HIPK3: variants seen among roughly 807,000 people sequenced by gnomAD.
HIPK3 encodes homeodomain-interacting protein kinase 3.
In HIPK3, 47 loss-of-function variants were observed where a neutral mutation model predicts 124.2. The observed-to-expected ratio is 0.38, with a 90% CI of 0.30 to 0.48. The LOEUF (loss-of-function observed/expected upper bound fraction) is 0.48, where lower values mean the gene tolerates loss of function less well. Ranked by LOEUF, HIPK3 falls within the 20% of genes least tolerant of loss-of-function variation. The pLI, the probability that HIPK3 is intolerant of heterozygous loss-of-function variation, is 0.98. For synonymous variants in HIPK3, 482 were observed against 515.2 expected, an observed-to-expected ratio of 0.94 and a Z score of 0.87; for missense variants, 1,286 against 1,454.3, an observed-to-expected ratio of 0.88 and a Z score of 1.88.
intron 8 of HIPK3, among the ~76,000 whole-genome samples, chr11:33,344,169 A>G (rs901845124): frequency 6.6e-6 from 1 of 152,212 alleles, no homozygotes; most frequent in African/African-American, 2.4e-5. Context: ...ACTATTTGAA[A>G]TTAAATGGTA....
At chr11:33,257,369 G>T, upstream of HIPK3, 1 of 984,894 alleles carries the variant, frequency 1.0e-6, no homozygotes, top group Middle Eastern at 5.2e-4. Flanking sequence ...GGGGCCCGAG[G>T]CTGGGGCGGC....
At chr11:33,344,501 T>C (rs1289327165) in intron 8 of HIPK3, among the ~76,000 whole-genome samples, 2 of 152,194 alleles carry the variant, frequency 1.3e-5, no homozygotes. Flanking sequence ...TTAAAACATT[T>C]CAATGAGGTT....
intron 1 of HIPK3, among the ~76,000 whole-genome samples, chr11:33,266,158 C>T (rs930019384): frequency 2.6e-5 from 4 of 151,010 alleles, no homozygotes; most frequent in African/African-American, 7.3e-5. Flanking sequence ...GAGACTAACA[C>T]GTGGTCCCAG....
chr11:33,273,461 A>G (rs374115500), intron 1 of HIPK3, among the ~76,000 whole-genome samples: 23 of 27,950 alleles, frequency 8.2e-4, no homozygotes, highest in African/African-American at 3.2e-3. Context: ...GTGAGCCGAG[A>G]TCACGCCACT....
intron 2 of HIPK3, among the ~76,000 whole-genome samples, chr11:33,318,242 T>A (rs1852563337): frequency 1.3e-5 from 2 of 152,180 alleles, no homozygotes; most frequent in South Asian, 4.1e-4. Flanking sequence ...TTATTTTTAT[T>A]TTTTATAGAG....
At chr11:33,291,172 T>C (rs191204559) in intron 2 of HIPK3, among the ~76,000 whole-genome samples, 1 of 152,328 alleles carries the variant, frequency 6.6e-6, no homozygotes, top group Non-Finnish European at 1.5e-5. Context: ...GTTTAAGTAT[T>C]TGTTTGTACT....
chr11:33,291,528 C>CT (rs937674661), intron 2 of HIPK3, among the ~76,000 whole-genome samples: 1 of 152,128 alleles, frequency 6.6e-6, no homozygotes, highest in African/African-American at 2.4e-5. Flanking sequence ...GTGAGGCTGT[C>CT]TAACTCTTGC....
chr11:33,316,555 G>T (rs1306567690), intron 2 of HIPK3, among the ~76,000 whole-genome samples: 6 of 152,182 alleles, frequency 3.9e-5, no homozygotes, highest in African/African-American at 1.4e-4. Flanking sequence ...GGGCATGGTG[G>T]CTCACACCTG....
intron 2 of HIPK3, among the ~76,000 whole-genome samples, chr11:33,296,419 T>C (rs925817876): frequency 2.0e-5 from 3 of 152,202 alleles, no homozygotes; most frequent in Admixed American, 2.0e-4. Context: ...ATATTACTTC[T>C]TTTAGGTCTT....
At chr11:33,278,987 TATTTA>T (rs924024413) in intron 1 of HIPK3, among the ~76,000 whole-genome samples, 14 of 152,222 alleles carry the variant, frequency 9.2e-5, no homozygotes, top group African/African-American at 3.4e-4. Context: ...TATTACCTTT[TATTTA>T]ATTTATTTGT....
chr11:33,300,473 G>T (rs1011520287), intron 2 of HIPK3, among the ~76,000 whole-genome samples: 1 of 152,138 alleles, frequency 6.6e-6, no homozygotes, highest in African/African-American at 2.4e-5. Context: ...ACAACTGAAG[G>T]TTCAGATTCC....
At position 33,356,150 on chromosome 11, in the gene HIPK3, T is replaced by C. The variant is rs1853811566; in HGVS notation, c.*2582T>C. The C allele has an allele frequency of 6.6e-6, 1 of 152,056 alleles. No homozygotes were observed. Among genetic ancestry groups the C allele is most frequent in the Non-Finnish European group, 1.5e-5 (1 of 67,906 alleles). 9.4% of individuals were successfully genotyped at this position (152,056 alleles called of 1,614,324 possible). ...ACCCTGAAATGTTGTATTTTTTGTC[T>C]TTAATTTCCAAGACTTAAAGCAGTC... On this transcript the variant is annotated 3_prime_UTR_variant, in exon 17 of 17. Coordinates refer to ENST00000303296, the MANE Select transcript of HIPK3 (RefSeq NM_005734.5).
intron 2 of HIPK3, among the ~76,000 whole-genome samples, chr11:33,295,414 T>C (rs1394062308): frequency 6.6e-6 from 1 of 152,170 alleles, no homozygotes; most frequent in Non-Finnish European, 1.5e-5. Flanking sequence ...TTCTTCTGCC[T>C]CTGTGTTGAA....
At chr11:33,290,121 G>A (rs917260208) in intron 2 of HIPK3, among the ~76,000 whole-genome samples, 1 of 152,146 alleles carries the variant, frequency 6.6e-6, no homozygotes, top group African/African-American at 2.4e-5. Flanking sequence ...ACACTGGATT[G>A]TAGATATCTC....
intron 1 of HIPK3, among the ~76,000 whole-genome samples, chr11:33,259,470 G>T (rs1850765945): frequency 1.3e-5 from 2 of 152,072 alleles, no homozygotes; most frequent in South Asian, 4.1e-4. Flanking sequence ...CTGACCTTTT[G>T]TAAAAAAAGT....
chr11:33,351,372 T>A (rs1466644137), intron 14 of HIPK3, among the ~76,000 whole-genome samples: 1 of 151,440 alleles, frequency 6.6e-6, no homozygotes, highest in Non-Finnish European at 1.5e-5. Context: ...AAAAAAAAAA[T>A]GCCAAAATGA....
At chr11:33,301,992 T>C (rs562924268) in intron 2 of HIPK3, among the ~76,000 whole-genome samples, 34 of 152,240 alleles carry the variant, frequency 2.2e-4, no homozygotes, top group Admixed American at 1.1e-3. Context: ...ACCTGTACAG[T>C]ACCTAAGGAA....
chr11:33,264,300 T>TG (rs1377993588), intron 1 of HIPK3, among the ~76,000 whole-genome samples: 2 of 152,228 alleles, frequency 1.3e-5, no homozygotes, highest in African/African-American at 4.8e-5. Context: ...TTGATCATGT[T>TG]GAACGCAAAG....
intron 2 of HIPK3, among the ~76,000 whole-genome samples, chr11:33,320,181 G>T (rs1288218103): frequency 1.3e-5 from 2 of 152,224 alleles, no homozygotes; most frequent in South Asian, 4.1e-4. Context: ...GCTGCCCCTT[G>T]TAGGCCATTG....
Sources: gnomAD v4.1 joint callset for allele counts (sites outside exome capture counted in the v4.1 genomes callset) on GRCh38, gnomAD v4.1.1 for gene constraint, MANE v1.5 for transcripts, NCBI Gene and HGNC (gene_info 2026-07-23, HGNC 2026-07-21) for gene names.